FAF1: variants seen among roughly 807,000 people sequenced by gnomAD.
FAF1 encodes Fas associated factor 1.
A neutral mutation model predicts 92.5 loss-of-function variants in FAF1; 25 were observed. The observed-to-expected ratio is 0.27, with a 90% CI of 0.20 to 0.38. The LOEUF is 0.38. Among genes scored for constraint, FAF1 ranks in the 10% least tolerant of loss-of-function variants. The pLI, the probability that FAF1 is intolerant of heterozygous loss-of-function variation, is 1.00. For synonymous variants in FAF1, 234 were observed against 273.2 expected (o/e 0.86, Z 1.42); for missense variants, 636 against 793.3 (o/e 0.80, Z 2.38).
intron 2 of FAF1, among the ~76,000 whole-genome samples, chr1:50,802,601 T>G (rs1366615796): frequency 6.6e-6 from 1 of 152,164 alleles, no homozygotes; most frequent in Non-Finnish European, 1.5e-5. Flanking sequence ...GACATGTATG[T>G]TTTTGAAGGC....
intron 1 of FAF1, among the ~76,000 whole-genome samples, chr1:50,927,641 T>C (rs1645016488): frequency 6.6e-6 from 1 of 152,226 alleles, no homozygotes; most frequent in Non-Finnish European, 1.5e-5. Context: ...TACTAAGTTA[T>C]GCTGAAAGGT....
chr1:50,563,407 A>G (rs565670784), intron 13 of FAF1, among the ~76,000 whole-genome samples: 4 of 152,104 alleles, frequency 2.6e-5, no homozygotes, highest in African/African-American at 9.6e-5. Flanking sequence ...CCAGGGCAAC[A>G]TAACGAGACC....
intron 4 of FAF1, among the ~76,000 whole-genome samples, chr1:50,774,607 G>A (rs930189521): frequency 3.6e-4 from 55 of 152,216 alleles, no homozygotes; most frequent in African/African-American, 1.3e-3. Flanking sequence ...AATAATAACA[G>A]ACCTATTTTT....
chr1:50,771,814 T>C (rs1660784330), intron 4 of FAF1, among the ~76,000 whole-genome samples: 1 of 152,132 alleles, frequency 6.6e-6, no homozygotes, highest in Non-Finnish European at 1.5e-5. Flanking sequence ...GGCAGGGGAA[T>C]TGCTTGAACC....
At position 50,601,612 on chromosome 1, in the gene FAF1, G is replaced by A. The variant is rs1016134193; in HGVS notation, c.745-5396C>T. Among the ~76,000 whole-genome samples, 23 of 151,950 alleles carry A rather than the reference G, an allele frequency of 1.5e-4. No individual in the cohort carries two copies. The East Asian group carries it at 1.9e-3, about 13-fold the overall frequency. ...CAGGAGAACTGTTTGAACCCGGGAG[G>A]CAGAGGTTGCAGTGAGCTGAGATTG... is the stretch of plus-strand genomic sequence containing the variant. On this transcript the variant is annotated intron_variant, in intron 8 of 18. Coordinates refer to ENST00000396153, the MANE Select transcript of FAF1 (RefSeq NM_007051.3).
chr1:50,957,808 T>C (rs1645281337), intron 1 of FAF1, among the ~76,000 whole-genome samples: 1 of 152,132 alleles, frequency 6.6e-6, no homozygotes, highest in Non-Finnish European at 1.5e-5. Context: ...TGCAAGTTAT[T>C]AGAGATAAAA....
intron 1 of FAF1, among the ~76,000 whole-genome samples, chr1:50,899,952 T>C (rs942227570): frequency 6.6e-6 from 1 of 152,214 alleles, no homozygotes. Context: ...TTATAAAGTA[T>C]TTTCATTCAG....
intron 18 of FAF1, among the ~76,000 whole-genome samples, chr1:50,445,700 C>T (rs891877168): frequency 2.0e-5 from 3 of 152,156 alleles, no homozygotes; most frequent in Non-Finnish European, 4.4e-5. Context: ...AAGAAGCCCA[C>T]CTTTTGGGAC....
At chr1:50,744,250 T>A (rs1557505453) in intron 5 of FAF1, among the ~76,000 whole-genome samples, 1 of 152,206 alleles carries the variant, frequency 6.6e-6, no homozygotes, top group African/African-American at 2.4e-5. Context: ...TCTCCAAGTT[T>A]AAAAAATTTC....
intron 2 of FAF1, among the ~76,000 whole-genome samples, chr1:50,826,064 G>A (rs1302326861): frequency 1.3e-5 from 2 of 152,104 alleles, no homozygotes; most frequent in African/African-American, 2.4e-5. Context: ...TATTAAGTAT[G>A]AAGACTTCAA....
At chr1:50,948,682 G>A (rs553992155) in intron 1 of FAF1, among the ~76,000 whole-genome samples, 2 of 151,874 alleles carry the variant, frequency 1.3e-5, no homozygotes, top group African/African-American at 2.4e-5. Flanking sequence ...ACAGGTGCAC[G>A]CCACCATACC....
At chr1:50,937,030 G>C (rs1487228218) in intron 1 of FAF1, among the ~76,000 whole-genome samples, 1 of 152,014 alleles carries the variant, frequency 6.6e-6, no homozygotes, top group African/African-American at 2.4e-5. Flanking sequence ...TTTAAGAGCA[G>C]GTAGAAAGAT....
intron 15 of FAF1, among the ~76,000 whole-genome samples, chr1:50,492,677 A>G (rs1261295419): frequency 2.6e-5 from 4 of 152,162 alleles, no homozygotes; most frequent in Non-Finnish European, 1.5e-5. Context: ...AAAGCCACCA[A>G]TATTTGTGAC....
At chr1:50,840,611 T>C (rs1335658939) in intron 2 of FAF1, among the ~76,000 whole-genome samples, 2 of 152,026 alleles carry the variant, frequency 1.3e-5, no homozygotes, top group East Asian at 1.9e-4. Context: ...TAGATTTATG[T>C]ATTTCACTTT....
intron 2 of FAF1, among the ~76,000 whole-genome samples, chr1:50,822,797 G>A (rs1242514555): frequency 3.4e-5 from 4 of 118,850 alleles, no homozygotes; most frequent in South Asian, 2.5e-4. Flanking sequence ...TTTTTGAGAC[G>A]CAGTTTCGCT....
rs57980948 is a variant in FAF1, at chr1:50,851,081, A to ATTTT, written c.114+6844_114+6847dup. ...CAATCCTAAAAATGGAGCAATTTACATTTTTTTTTTTTTTTTTTTGAGACA... is the reference window on the plus strand; with the variant it reads ...CAATCCTAAAAATGGAGCAATTTACATTTTTTTTTTTTTTTTTTTTTTTGAGACA... On this transcript the variant is annotated intron_variant, in intron 2 of 18. Transcript: ENST00000396153. Among the ~76,000 whole-genome samples, 16 of 135,458 alleles carry ATTTT rather than the reference A, an allele frequency of 1.2e-4. No homozygotes were observed. In the South Asian group the frequency reaches 2.4e-3, roughly 20 times the overall value. 88.9% of individuals were successfully genotyped at this position (135,458 alleles called of 152,430 possible).
intron 3 of FAF1, among the ~76,000 whole-genome samples, chr1:50,794,996 C>A (rs1015085): frequency 0.066 from 10,049 of 152,178 alleles, 411 homozygotes; most frequent in East Asian, 0.094. Flanking sequence ...AAAAAAGGAT[C>A]TTAATAACAT....
chr1:50,906,817 A>G (rs527653614), intron 1 of FAF1, among the ~76,000 whole-genome samples: 4 of 152,334 alleles, frequency 2.6e-5, no homozygotes, highest in African/African-American at 9.6e-5. Context: ...CAATCATGTC[A>G]TCTGCAAACA....
chr1:50,623,743 A>T (rs999379351), intron 8 of FAF1, among the ~76,000 whole-genome samples: 1 of 152,040 alleles, frequency 6.6e-6, no homozygotes, highest in African/African-American at 2.4e-5. Context: ...GGTGTTCAAG[A>T]CCAGGCTGGG....
Sources: allele counts gnomAD v4.1 joint callset (sites outside exome capture counted in the v4.1 genomes callset), GRCh38; gene constraint gnomAD v4.1.1; transcripts MANE v1.5; gene names NCBI Gene and HGNC (gene_info 2026-07-23, HGNC 2026-07-21).